PTPRE: variants seen among roughly 807,000 people sequenced by gnomAD.
PTPRE encodes protein tyrosine phosphatase receptor type E.
In PTPRE, 51 loss-of-function variants were observed where a neutral mutation model predicts 102.0. The ratio of observed to expected loss-of-function variants is 0.50; its 90% CI spans 0.40 to 0.63. PTPRE has a LOEUF of 0.63. PTPRE is among the 30% of genes least tolerant of loss of function. PTPRE has a pLI of 0.00. For missense variants in PTPRE, 752 were observed against 915.1 expected (o/e 0.82, Z 2.30); for synonymous variants, 345 against 348.2 (o/e 0.99, Z 0.10).
intron 1 of PTPRE, among the ~76,000 whole-genome samples, chr10:127,971,521 T>C (rs1019945239): frequency 6.6e-6 from 1 of 152,188 alleles, no homozygotes; most frequent in East Asian, 1.9e-4. Flanking sequence ...GAGAGCCCCA[T>C]GCATGGTGCC....
intron 1 of PTPRE, among the ~76,000 whole-genome samples, chr10:127,910,811 C>A (rs1845818550): frequency 6.6e-6 from 1 of 152,158 alleles, no homozygotes; most frequent in South Asian, 2.1e-4. Context: ...AGGCCGGGTG[C>A]AATGGTTCAC....
At chr10:128,075,153 C>T (rs1051793879) in intron 17 of PTPRE, among the ~76,000 whole-genome samples, 6 of 152,158 alleles carry the variant, frequency 3.9e-5, no homozygotes, top group African/African-American at 7.2e-5. Context: ...GTGGTTCATT[C>T]GTCATCATTA....
intron 1 of PTPRE, among the ~76,000 whole-genome samples, chr10:127,971,563 A>C (rs1239219079): frequency 6.6e-6 from 1 of 152,220 alleles, no homozygotes; most frequent in Non-Finnish European, 1.5e-5. Flanking sequence ...GTACTAGCGC[A>C]TTCCACTTCC....
chr10:128,013,884 G>A (rs144654956), intron 2 of PTPRE, among the ~76,000 whole-genome samples: 11 of 152,302 alleles, frequency 7.2e-5, no homozygotes, highest in African/African-American at 2.2e-4. Flanking sequence ...GGAGTTTCCC[G>A]AAGGCAGGGC....
chr10:128,071,758 G>C (rs957003725), intron 15 of PTPRE: 1 of 194,452 alleles, frequency 5.1e-6, no homozygotes, highest in East Asian at 1.6e-4. Flanking sequence ...AGAGCTCCCC[G>C]GGGTGCTGCC....
chr10:128,032,669 C>A (rs1369863802), intron 2 of PTPRE, among the ~76,000 whole-genome samples: 1 of 152,218 alleles, frequency 6.6e-6, no homozygotes, highest in Non-Finnish European at 1.5e-5. Flanking sequence ...TTGCTGGCCA[C>A]TTGTGGCACC....
At position 128,070,395 on chromosome 10, in the gene PTPRE, C is replaced by G; in HGVS notation, c.1238C>G (p.Thr413Ser). 1.2e-6 allele frequency: 2 copies of G among 1,614,164 alleles called. No homozygotes were observed. The highest frequency in any genetic ancestry group is 1.7e-6 in the Non-Finnish European group (2 of 1,180,030). Reference protein sequence around the residue: ...DVSSLEKHLQTMHGTTTHFDK... With the variant: ...DVSSLEKHLQSMHGTTTHFDK... ...TCCTCCCTGGAGAAGCACCTGCAGA[C>G]CATGCACGGCACCACCACCCACTTC... Residue 413 changes from threonine to serine, a missense_variant, in exon 14 of 21, where the codon ACC becomes AGC. This residue lies in a region of PTPRE where 636 missense variants were observed against 824.4 expected (regional missense o/e 0.77). Coordinates refer to ENST00000254667, the MANE Select transcript of PTPRE (RefSeq NM_006504.6). The surrounding 1 kb of genome is among the most constrained non-coding windows in gnomAD (Gnocchi z 4.8).
rs573404858 is a variant in PTPRE, at chr10:128,076,529, CTG to C, written c.1600-70_1600-69del. ...TACATTAACTGGTTTGAGAACAATT[CTG>C]TGTTATAAACTCAAAATCGCCAGCA... On this transcript the variant is annotated intron_variant, in intron 17 of 20. Transcript: ENST00000254667. The C allele has an allele frequency of 3.5e-4, 488 of 1,392,782 alleles. 2 individuals carry two copies. In the African/African-American group the frequency reaches 6.8e-3, roughly 19 times the overall value. The allele number at this position is 1,392,782 out of a possible 1,614,324, so 86.3% of individuals were successfully genotyped here. A position where few individuals can be genotyped will look rare whatever the true frequency, so the allele number is the denominator to read the frequency against.
At chr10:127,963,714 G>A (rs1017997767) in intron 1 of PTPRE, among the ~76,000 whole-genome samples, 8 of 152,064 alleles carry the variant, frequency 5.3e-5, no homozygotes, top group Non-Finnish European at 7.4e-5. Context: ...GCACACACAC[G>A]TGCACACACG....
At chr10:128,064,427 G>T (rs1459666971) in intron 10 of PTPRE, among the ~76,000 whole-genome samples, 2 of 152,234 alleles carry the variant, frequency 1.3e-5, no homozygotes, top group African/African-American at 4.8e-5. Flanking sequence ...GGGAAGTAGG[G>T]GATTCCCAGC....
chr10:128,065,716 GC>G (rs1310224489), intron 10 of PTPRE, among the ~76,000 whole-genome samples: 1 of 152,200 alleles, frequency 6.6e-6, no homozygotes, highest in African/African-American at 2.4e-5. Context: ...TTGCCCTCTA[GC>G]CTGAGGGTCA....
intron 2 of PTPRE, among the ~76,000 whole-genome samples, chr10:127,986,765 C>T (rs1852123891): frequency 6.6e-6 from 1 of 152,336 alleles, no homozygotes; most frequent in South Asian, 2.1e-4. Flanking sequence ...GGGGGACCAC[C>T]CCAAGCTGGT....
intron 2 of PTPRE, among the ~76,000 whole-genome samples, chr10:128,020,727 C>T (rs976315518): frequency 2.6e-5 from 4 of 152,142 alleles, no homozygotes; most frequent in Non-Finnish European, 5.9e-5. Context: ...CCACCTCAGA[C>T]AAGTTCTAAC....
intron 6 of PTPRE, among the ~76,000 whole-genome samples, chr10:128,053,236 GT>G (rs1848688462): frequency 6.6e-6 from 1 of 152,238 alleles, no homozygotes; most frequent in African/African-American, 2.4e-5. Context: ...AGGTAACAGA[GT>G]GAGACCCTGT....
In PTPRE at chr10:128,021,692, C is replaced by T. The variant is rs545535422; in HGVS notation, c.-7-19183C>T. On this transcript the variant is annotated intron_variant, in intron 2 of 20. Transcript: ENST00000254667. ...CTTCTCACCAGTCAGTCAGAGACAG[C>T]GCCTGCTGTGAGACTGTGCCCCGGA... 1.4e-4 allele frequency among the ~76,000 whole-genome samples: 22 copies of T among 152,348 alleles called. No individual in the cohort carries two copies. The South Asian group carries it at 3.9e-3, about 27-fold the overall frequency.
intron 1 of PTPRE, among the ~76,000 whole-genome samples, chr10:127,955,433 T>G (rs1275421145): frequency 6.6e-6 from 1 of 152,210 alleles, no homozygotes; most frequent in African/African-American, 2.4e-5. Context: ...TATGCCCATG[T>G]AACCAGTTAC....
intron 1 of PTPRE, among the ~76,000 whole-genome samples, chr10:127,924,682 T>C (rs1846878493): frequency 6.6e-6 from 1 of 152,244 alleles, no homozygotes; most frequent in Non-Finnish European, 1.5e-5. Context: ...ACTTACAAGA[T>C]TAACTGAGAT....
intron 2 of PTPRE, among the ~76,000 whole-genome samples, chr10:128,007,427 G>A (rs1279236059): frequency 3.3e-5 from 5 of 152,164 alleles, no homozygotes; most frequent in African/African-American, 1.2e-4. Flanking sequence ...ATAATCCATG[G>A]ATATTATTTG....
At chr10:127,909,099 C>T (rs1845687370) in intron 1 of PTPRE, among the ~76,000 whole-genome samples, 2 of 152,240 alleles carry the variant, frequency 1.3e-5, no homozygotes, top group African/African-American at 4.8e-5. Context: ...GAGAGATGCG[C>T]TCCCTGTGTC....
Sources: gnomAD v4.1 joint callset for allele counts (sites outside exome capture counted in the v4.1 genomes callset) on GRCh38, gnomAD v4.1.1 for gene constraint, gnomAD v4.1.1 regional missense constraint, Gnocchi (gnomAD v3.1) non-coding constraint, MANE v1.5 for transcripts, NCBI Gene and HGNC (gene_info 2026-07-23, HGNC 2026-07-21) for gene names.